PPP6R2: variants seen among roughly 807,000 people sequenced by gnomAD.
PPP6R2 encodes protein phosphatase 6 regulatory subunit 2.
PPP6R2 carries 62 observed loss-of-function variants against 100.2 expected under a neutral mutation model. The observed-to-expected ratio is 0.62, with a 90% CI of 0.50 to 0.76. The LOEUF is 0.76. Among genes scored for constraint, PPP6R2 ranks in the 30% least tolerant of loss-of-function variants. The pLI is 0.00. For missense variants in PPP6R2, 1,142 were observed against 1,276.3 expected (o/e 0.89, Z 1.60); for synonymous variants, 525 against 514.7 (o/e 1.02, Z -0.27).
intron 4 of PPP6R2, among the ~76,000 whole-genome samples, chr22:50,413,979 C>A (rs879642386): frequency 6.6e-6 from 1 of 152,238 alleles, no homozygotes; most frequent in Admixed American, 6.5e-5. Context: ...GCTGTGCCCC[C>A]CCATGGCCTC....
chr22:50,372,314 G>A (rs547503217), intron 2 of PPP6R2, among the ~76,000 whole-genome samples, 164 bp downstream of exon 2: 1 of 152,296 alleles, frequency 6.6e-6, no homozygotes, highest in Admixed American at 6.5e-5. Flanking sequence ...CACTTTGGGA[G>A]GCCGAGGTGG....
At chr22:50,417,244 C>T (rs548263488) in intron 6 of PPP6R2, among the ~76,000 whole-genome samples, 13 of 152,192 alleles carry the variant, frequency 8.5e-5, no homozygotes, top group East Asian at 1.9e-4. Flanking sequence ...CAGCATTGCA[C>T]CACATGGGCG....
chr22:50,442,591 C>A (rs1427191058), intron 22 of PPP6R2, among the ~76,000 whole-genome samples: 1 of 152,068 alleles, frequency 6.6e-6, no homozygotes, highest in Non-Finnish European at 1.5e-5. Flanking sequence ...GCTCTGTTGC[C>A]CAGGCTGGAG....
chr22:50,334,233 T>C, the PPP6R2 span, among the ~76,000 whole-genome samples: 2 of 152,052 alleles, frequency 1.3e-5, no homozygotes, highest in Non-Finnish European at 2.9e-5. Flanking sequence ...CTCTAACTCC[T>C]TTTCCTGGTC....
At position 50,414,665 on chromosome 22, in the gene PPP6R2, C is replaced by G; in HGVS notation, c.528C>G (p.Ala176=). Residue 176 remains alanine, a synonymous_variant, in exon 5 of 24, where the codon GCC becomes GCG. Coordinates refer to ENST00000612753, the MANE Select transcript of PPP6R2 (RefSeq NM_001242898.2). ...GCCTGGTCAGCTGTGTGGAGCCAGC[C>G]GGGCTCCGGCAGGACGTCCTGCACG... ...LLRLVSCVEP[A]GLRQDVLHWL... 2 of 1,612,706 alleles carry G rather than the reference C, an allele frequency of 1.2e-6. No individual in the cohort carries two copies. The highest frequency in any genetic ancestry group is 2.2e-5 in the South Asian group (2 of 90,998).
At position 50,438,274 on chromosome 22, in the gene PPP6R2, C is replaced by T. The variant is rs779654460; in HGVS notation, c.1940C>T (p.Ala647Val). 39 of 1,613,402 alleles carry T rather than the reference C, an allele frequency of 2.4e-5. 1 individual carries two copies. The East Asian group carries it at 8.7e-4, about 36-fold the overall frequency. ...DIWEDSDTRCAARVMARPRFG... is the reference protein window; with the variant it reads ...DIWEDSDTRCVARVMARPRFG... ...TGGGAGGACAGTGACACTCGCTGTG[C>T]TGCCCGGGTGATGGCCAGACCCAGG... Residue 647 changes from alanine (A) to valine (V), a missense_variant, in exon 18 of 24, where the codon GCT becomes GTT. Physicochemically the swap from Ala to Val is moderately conservative, Grantham distance 64. Coordinates refer to ENST00000612753, the MANE Select transcript of PPP6R2 (RefSeq NM_001242898.2).
intron 3 of PPP6R2, 139 bp from the exon 4 acceptor site, chr22:50,406,550 C>A (rs529287755): frequency 2.7e-6 from 2 of 747,394 alleles, no homozygotes; most frequent in African/African-American, 1.8e-5. Context: ...CAGGTAGTCA[C>A]GTTTTTGTTC....
the PPP6R2 span, among the ~76,000 whole-genome samples, chr22:50,337,619 G>C: frequency 3.4e-5 from 4 of 117,674 alleles, no homozygotes; most frequent in African/African-American, 2.6e-4. Flanking sequence ...TGTGTGCTGT[G>C]TGCGGTATGT....
At chr22:50,376,683 T>G (rs2051638348) in intron 2 of PPP6R2, among the ~76,000 whole-genome samples, 1 of 152,018 alleles carries the variant, frequency 6.6e-6, no homozygotes, top group South Asian at 2.1e-4. Context: ...CTCGGCCTCC[T>G]AAAGTACTGG....
chr22:50,374,300 C>T (rs1288197505), intron 2 of PPP6R2, among the ~76,000 whole-genome samples: 3 of 152,014 alleles, frequency 2.0e-5, no homozygotes, highest in African/African-American at 7.3e-5. Context: ...GTGCCGCTGC[C>T]CTCCAGCCTG....
At chr22:50,340,641 C>G (rs1361424132), upstream of PPP6R2, among the ~76,000 whole-genome samples, 3 of 150,724 alleles carry the variant, frequency 2.0e-5, no homozygotes, top group African/African-American at 7.4e-5. Context: ...GAAACAGTGA[C>G]CAGGGAAACC....
chr22:50,444,276 C>G lies in PPP6R2; in HGVS notation c.*29C>G. The G allele has an allele frequency of 6.2e-7, 1 of 1,607,706 alleles. No homozygotes were observed. The highest frequency in any genetic ancestry group is 1.1e-5 in the South Asian group (1 of 89,868). ...TGCTGCCGCCCGGCCACGGCCCACC[C>G]TGGTCAGGCTGCCTCCTTAATCGAG... On this transcript the variant is annotated 3_prime_UTR_variant, in exon 24 of 24. Transcript: ENST00000612753.
upstream of PPP6R2, among the ~76,000 whole-genome samples, chr22:50,339,769 TG>T (rs1422438694): frequency 3.3e-5 from 4 of 122,332 alleles, no homozygotes; most frequent in Admixed American, 8.2e-5. Context: ...GTGGTGTGTG[TG>T]GTATGTGGTG....
chr22:50,376,988 C>T (rs1218712342), intron 2 of PPP6R2, among the ~76,000 whole-genome samples: 1 of 152,118 alleles, frequency 6.6e-6, no homozygotes, highest in Non-Finnish European at 1.5e-5. Context: ...GATCACACCA[C>T]TGCCCTCCAG....
At chr22:50,435,255 C>T (rs1028320092) in intron 13 of PPP6R2, among the ~76,000 whole-genome samples, 174 bp downstream of exon 13, 4 of 152,226 alleles carry the variant, frequency 2.6e-5, no homozygotes, top group Non-Finnish European at 5.9e-5. Flanking sequence ...TCGTGGGGGC[C>T]TGGGTCTCAT....
chr22:50,438,135 A>G, intron 17 of PPP6R2, 39 bp from the exon 18 acceptor site: 2 of 1,591,458 alleles, frequency 1.3e-6, no homozygotes, highest in Non-Finnish European at 1.7e-6. Context: ...TGTCTCCCCC[A>G]GACCCTCTGG....
intron 1 of PPP6R2, among the ~76,000 whole-genome samples, chr22:50,368,684 A>G (rs2049293313): frequency 6.6e-6 from 1 of 151,954 alleles, no homozygotes; most frequent in African/African-American, 2.4e-5. Flanking sequence ...CCACAATACA[A>G]GGTCTCACTT....
chr22:50,420,725 G>T (rs1421302224), intron 8 of PPP6R2, among the ~76,000 whole-genome samples: 1 of 152,166 alleles, frequency 6.6e-6, no homozygotes, highest in Non-Finnish European at 1.5e-5. Flanking sequence ...TGGTTGGCCC[G>T]CCAGGTGCCC....
intron 1 of PPP6R2, among the ~76,000 whole-genome samples, chr22:50,365,069 CTT>C (rs753699499): frequency 0.17 from 21,934 of 127,698 alleles, 1,249 homozygotes; most frequent in South Asian, 0.3. Flanking sequence ...ATATGAGATA[CTT>C]TTTTTTTTTT....
Sources: gnomAD v4.1 joint callset for allele counts (sites outside exome capture counted in the v4.1 genomes callset) on GRCh38, gnomAD v4.1.1 for gene constraint, MANE v1.5 for transcripts, NCBI Gene and HGNC (gene_info 2026-07-23, HGNC 2026-07-21) for gene names.